Variants in G3BP2 observed in about 807,000 individuals in gnomAD.
The protein encoded by G3BP2 is ras GTPase-activating protein-binding protein 2.
G3BP2 carries 11 observed loss-of-function variants against 56.7 expected under a neutral mutation model. The ratio of observed to expected loss-of-function variants is 0.19; its 90% CI spans 0.12 to 0.32. The LOEUF (loss-of-function observed/expected upper bound fraction) is 0.32. Among genes scored for constraint, G3BP2 ranks in the 10% least tolerant of loss-of-function variants. The probability of loss-of-function intolerance (pLI) is 1.00; values close to 1 mark genes in which losing one functional copy is unlikely to be tolerated. For missense variants in G3BP2, 340 were observed against 610.9 expected (o/e 0.56, Z 4.67); for synonymous variants, 165 against 191.6 (o/e 0.86, Z 1.15).
intron 3 of G3BP2, among the ~76,000 whole-genome samples, chr4:75,708,704 C>T (rs1355805411): frequency 6.6e-6 from 1 of 152,222 alleles, no homozygotes; most frequent in African/African-American, 2.4e-5. Flanking sequence ...GGCATGGTGG[C>T]TCATGCCTGT....
At chr4:75,681,884 C>T (rs1734088355) in intron 3 of G3BP2, among the ~76,000 whole-genome samples, 1 of 151,726 alleles carries the variant, frequency 6.6e-6, no homozygotes, top group South Asian at 2.1e-4. Context: ...AACAATATGC[C>T]AGCATCACTA....
chr4:75,696,885 C>T (rs187197215), intron 3 of G3BP2, among the ~76,000 whole-genome samples: 71 of 152,186 alleles, frequency 4.7e-4, no homozygotes, highest in African/African-American at 1.5e-3. Flanking sequence ...CTACAATACT[C>T]GAGTAAGTAG....
chr4:75,658,316 T>C (rs1732267921), intron 3 of G3BP2, among the ~76,000 whole-genome samples: 1 of 152,072 alleles, frequency 6.6e-6, no homozygotes, highest in African/African-American at 2.4e-5. Context: ...ACAAAAATGA[T>C]GTTTAAGAAC....
chr4:75,662,229 T>TC, intron 1 of G3BP2, 180 bp from the exon 2 acceptor site: 2 of 404,974 alleles, frequency 4.9e-6, no homozygotes, highest in Non-Finnish European at 8.9e-6. Flanking sequence ...TAATTTTTTT[T>TC]TTTTTTTTTT....
Position 75,685,932 on chromosome 4 carries a change from TA to T in G3BP2, c.-24-23884del, listed in dbSNP as rs926124422. ...AAGAAAAATGTCCAGTGTAACAGAA[TA>T]ATATGGAGTTAAGGAAGGAGAGAAG... On this transcript the variant is annotated intron_variant, in intron 3 of 3. Coordinates refer to the G3BP2 transcript ENST00000499709. Among the ~76,000 whole-genome samples, 15 of 152,168 alleles carry T rather than the reference TA, an allele frequency of 9.9e-5. No individual in the cohort carries two copies. In the East Asian group the frequency reaches 2.9e-3, roughly 29 times the overall value.
chr4:75,704,822 G>A (rs564872027), intron 3 of G3BP2, among the ~76,000 whole-genome samples: 16 of 151,688 alleles, frequency 1.1e-4, no homozygotes, highest in East Asian at 3.9e-4. Context: ...TAGTAGAGAC[G>A]GGGTTTTGCC....
chr4:75,661,707 A>G (rs1732577163), intron 2 of G3BP2: 1 of 463,792 alleles, frequency 2.2e-6, no homozygotes, highest in African/African-American at 2.0e-5. Flanking sequence ...GCATATATAG[A>G]TATGAATGTG....
chr4:75,716,760 C>A (rs1280127962), intron 3 of G3BP2, among the ~76,000 whole-genome samples: 1 of 152,118 alleles, frequency 6.6e-6, no homozygotes, highest in African/African-American at 2.4e-5. Context: ...GGTGATCCAC[C>A]CGCCTTGGCC....
chr4:75,685,970 G>A (rs1233411320), intron 3 of G3BP2, among the ~76,000 whole-genome samples: 1 of 152,162 alleles, frequency 6.6e-6, no homozygotes, highest in Non-Finnish European at 1.5e-5. Context: ...AAGAAAGGAA[G>A]GGAAGTGTGT....
At chr4:75,680,963 T>C (rs1232885385) in intron 3 of G3BP2, among the ~76,000 whole-genome samples, 2 of 136,118 alleles carry the variant, frequency 1.5e-5, no homozygotes, top group Non-Finnish European at 3.1e-5. Flanking sequence ...CAAGACCCCG[T>C]CTCAAAAAAT....
rs1021668284 is a variant in G3BP2 at position 75,643,090 on chromosome 4, A to G, written c.*2340T>C. On this transcript the variant is annotated 3_prime_UTR_variant, in exon 12 of 12. Transcript: ENST00000359707. Reference sequence around the variant, plus strand: ...CTCTGTTTCACTGAAAAGAGGACAAAATGTTAAAACTCCACAGTACTGCAG... The same window carrying G: ...CTCTGTTTCACTGAAAAGAGGACAAGATGTTAAAACTCCACAGTACTGCAG... The G allele has an allele frequency of 1.3e-5, 2 of 152,328 alleles. No homozygotes were observed. Among genetic ancestry groups the G allele is most frequent in the Admixed American group, 6.6e-5 (1 of 15,258 alleles). 9.4% of individuals were successfully genotyped at this position (152,328 alleles called of 1,614,324 possible). A position where few individuals can be genotyped will look rare whatever the true frequency, so the allele number is the denominator to read the frequency against.
intron 2 of G3BP2, among the ~76,000 whole-genome samples, chr4:75,721,389 G>A (rs1015926557): frequency 2.0e-5 from 3 of 151,932 alleles, no homozygotes; most frequent in Non-Finnish European, 2.9e-5. Flanking sequence ...GGGACTACTG[G>A]CTGGGAATAC....
intron 3 of G3BP2, among the ~76,000 whole-genome samples, chr4:75,692,667 AGCCAAGCAT>A (rs1274293081): frequency 2.6e-5 from 4 of 152,286 alleles, no homozygotes; most frequent in Admixed American, 2.0e-4. Flanking sequence ...GCTGCTGAAA[AGCCAAGCAT>A]GCCATGTAAC....
At chr4:75,670,180 C>T (rs886752870) in intron 1 of G3BP2, among the ~76,000 whole-genome samples, 5 of 152,194 alleles carry the variant, frequency 3.3e-5, no homozygotes, top group African/African-American at 7.2e-5. Flanking sequence ...AGGATACTTA[C>T]CCCTTTCCCC....
At chr4:75,702,206 G>A (rs981494124) in intron 3 of G3BP2, among the ~76,000 whole-genome samples, 1 of 126,630 alleles carries the variant, frequency 7.9e-6, no homozygotes, top group Admixed American at 1.0e-4. Context: ...GACAGGGTCT[G>A]GCTCTGTTGC....
intron 3 of G3BP2, among the ~76,000 whole-genome samples, chr4:75,701,025 T>C (rs1265545952): frequency 6.6e-6 from 1 of 151,692 alleles, no homozygotes; most frequent in Non-Finnish European, 1.5e-5. Context: ...GTATTTTTAA[T>C]AGAGACAGGG....
intron 3 of G3BP2, among the ~76,000 whole-genome samples, chr4:75,688,470 T>TGAATGC (rs1718715628): frequency 6.6e-6 from 1 of 152,256 alleles, no homozygotes. Flanking sequence ...TTCAATGCTT[T>TGAATGC]GAATGCTCTG....
rs2148982436 is a variant in G3BP2, at chr4:75,656,934, T to A, written c.432A>T (p.Glu144Asp). The A allele has an allele frequency of 6.7e-7, 1 of 1,487,926 alleles. No homozygotes were observed. Among genetic ancestry groups the A allele is most frequent in the East Asian group, 2.3e-5 (1 of 43,776 alleles). 92.2% of individuals were successfully genotyped at this position (1,487,926 alleles called of 1,614,324 possible). Reference sequence around the variant, plus strand: ...TCAAAGTAACCTCACCTTCATCAAGTTCAGGCTCAGAATCACCAAACACTT... The same window carrying A: ...TCAAAGTAACCTCACCTTCATCAAGATCAGGCTCAGAATCACCAAACACTT... Reference protein sequence around the residue: ...EDEVFGDSEPELDEESEDEVE... With the variant: ...EDEVFGDSEPDLDEESEDEVE... The change falls in exon 5 of 12, where the codon GAA becomes GAT. Residue 144 changes from glutamate (E) to aspartate (D), a missense_variant. Transcript: ENST00000359707.
At position 75,670,172 on chromosome 4, in the gene G3BP2, G is replaced by C. The variant is rs1227262613; in HGVS notation, c.-25+3036C>G. On this transcript the variant is annotated intron_variant, in intron 1 of 11. Transcript: ENST00000359707. ...AAGACACAGCTTATCTCCACTATAG[G>C]ATACTTACCCCTTTCCCCTCTGGAG... 2.6e-5 allele frequency among the ~76,000 whole-genome samples: 4 copies of C among 152,144 alleles called. No individual in the cohort carries two copies. In the East Asian group the frequency reaches 7.7e-4, roughly 29 times the overall value.
Sources: allele counts gnomAD v4.1 joint callset (sites outside exome capture counted in the v4.1 genomes callset), GRCh38; gene constraint gnomAD v4.1.1; transcripts MANE v1.5; gene names NCBI Gene and HGNC (gene_info 2026-07-23, HGNC 2026-07-21).